Variants in GLI3 observed in about 807,000 individuals in gnomAD.
The protein encoded by GLI3 is GLI family zinc finger 3.
In GLI3, 20 loss-of-function variants were observed where a neutral mutation model predicts 100.8. That is an observed-to-expected ratio of 0.20 (90% CI 0.14 to 0.29). The LOEUF (loss-of-function observed/expected upper bound fraction) is 0.29. GLI3 is among the 10% of genes least tolerant of loss of function. GLI3 has a pLI of 1.00. For missense variants in GLI3, 2,040 were observed against 2,128.5 expected (o/e 0.96, Z 0.82); for synonymous variants, 938 against 860.5 (o/e 1.09, Z -1.58).
At position 41,965,659 on chromosome 7, in the gene GLI3, G is replaced by C; in HGVS notation, c.3414C>G (p.His1138Gln). 2 of 1,612,684 alleles carry C rather than the reference G, an allele frequency of 1.2e-6. No homozygotes were observed. Among genetic ancestry groups the C allele is most frequent in the Non-Finnish European group, 1.7e-6 (2 of 1,179,096 alleles). The change falls in exon 15 of 15, where the codon CAC (histidine) becomes CAG (glutamine). Residue 1138 changes from histidine (H) to glutamine (Q), a missense_variant. Transcript: ENST00000395925. Reference sequence around the variant, plus strand: ...CGAGGGCATGGAACTGCTGGCCAGCGTGGCTGTCTGGCAGCCCGGGCGCGT... The same window carrying C: ...CGAGGGCATGGAACTGCTGGCCAGCCTGGCTGTCTGGCAGCCCGGGCGCGT... ...DFDAPGLPDS[H>Q]AGQQFHALEQ... is the part of the protein sequence containing the mutation.
At chr7:42,134,170 A>G (rs1412154627) in intron 3 of GLI3, among the ~76,000 whole-genome samples, 1 of 152,136 alleles carries the variant, frequency 6.6e-6, no homozygotes, top group Non-Finnish European at 1.5e-5. Context: ...TTGTCCTGGC[A>G]GTGGGGTAGG....
At chr7:42,242,474 C>T (rs1262332602), upstream of GLI3, among the ~76,000 whole-genome samples, 3 of 152,194 alleles carry the variant, frequency 2.0e-5, no homozygotes, top group African/African-American at 7.2e-5. Context: ...CACATCACAG[C>T]AAATAGCTCC....
intron 10 of GLI3, 97 bp from the exon 11 acceptor site, chr7:41,978,845 A>G (rs1009518820): frequency 9.6e-7 from 1 of 1,043,842 alleles, no homozygotes; most frequent in African/African-American, 1.6e-5. Context: ...AATCTTAAAA[A>G]TTCTAAAGAC....
intron 10 of GLI3, 50 bp from the exon 11 acceptor site, chr7:41,978,798 T>G: frequency 6.4e-7 from 1 of 1,556,024 alleles, no homozygotes; most frequent in Non-Finnish European, 8.9e-7. Context: ...TATTCATCAT[T>G]TCTGAAGGCG....
At chr7:42,002,589 A>G (rs1333093486) in intron 10 of GLI3, among the ~76,000 whole-genome samples, 1 of 152,258 alleles carries the variant, frequency 6.6e-6, no homozygotes, top group East Asian at 1.9e-4. Flanking sequence ...GTATTGCCTG[A>G]GAATCTATTT....
intron 3 of GLI3, among the ~76,000 whole-genome samples, chr7:42,107,772 C>A (rs1413626595): frequency 1.3e-5 from 2 of 152,232 alleles, no homozygotes; most frequent in African/African-American, 4.8e-5. Flanking sequence ...GCACAGCAAT[C>A]TCTGCATCTC....
At chr7:42,260,671 G>A (rs1789128497) in intron 1 of GLI3, among the ~76,000 whole-genome samples, 1 of 152,122 alleles carries the variant, frequency 6.6e-6, no homozygotes, top group African/African-American at 2.4e-5. Context: ...TGAAGGGCCA[G>A]GGACAAGAGT....
In GLI3 at chr7:42,025,036, C is replaced by T. The variant is rs115359867; in HGVS notation, c.1356+228G>A. ...CCTAAACTATCAAGAAGGTATGTCC[C>T]GCATGGCTTCCTGCACTGCCTGTGT... On this transcript the variant is annotated intron_variant, in intron 9 of 14. Coordinates refer to ENST00000395925, the MANE Select transcript of GLI3 (RefSeq NM_000168.6). Among the ~76,000 whole-genome samples the T allele has an allele frequency of 0.022, 3,378 of 152,274 alleles. 116 individuals carry two copies. The highest frequency in any genetic ancestry group is 0.076 in the African/African-American group (3,158 of 41,530).
chr7:42,070,291 T>C (rs1784759450), intron 4 of GLI3, among the ~76,000 whole-genome samples: 1 of 152,254 alleles, frequency 6.6e-6, no homozygotes, highest in Admixed American at 6.5e-5. Context: ...AACGTGGCTT[T>C]TTATGGCTCT....
At position 41,965,451 on chromosome 7, in the gene GLI3, C is replaced by G; in HGVS notation, c.3622G>C (p.Gly1208Arg). 2 of 1,608,040 alleles carry G rather than the reference C, an allele frequency of 1.2e-6. No individual in the cohort carries two copies. Among genetic ancestry groups the G allele is most frequent in the Non-Finnish European group, 1.7e-6 (2 of 1,177,030 alleles). The change falls in exon 15 of 15, where the codon GGG becomes CGG. Residue 1208 changes from glycine (G) to arginine (R), a missense_variant. Physicochemically the swap from Gly to Arg is moderately radical, Grantham distance 125. This residue lies in a region of GLI3 where 1,041 missense variants were observed against 924.0 expected (regional missense o/e 1.13). Transcript: ENST00000395925. ...AGGGTCTGATAGCCCCCAGCAGGCC[C>G]GCTCCTCAAGGGGTTCTGCGGGTGG... ...VVHPQNPLRS[G>R]PAGGYQTLGE...
chr7:42,176,770 G>A (rs567825005), intron 2 of GLI3, among the ~76,000 whole-genome samples: 14 of 152,150 alleles, frequency 9.2e-5, no homozygotes, highest in Admixed American at 3.3e-4. Context: ...TGATCCCCAG[G>A]GTCCACAGCC....
At chr7:42,013,736 A>G (rs1292530328) in intron 10 of GLI3, among the ~76,000 whole-genome samples, 2 of 152,224 alleles carry the variant, frequency 1.3e-5, no homozygotes, top group East Asian at 3.8e-4. Flanking sequence ...ATCACAATAA[A>G]AGCTAACTGG....
chr7:42,105,738 T>C (rs533914365), intron 3 of GLI3, among the ~76,000 whole-genome samples: 5 of 152,164 alleles, frequency 3.3e-5, no homozygotes, highest in African/African-American at 9.7e-5. Flanking sequence ...ATAGACTGTG[T>C]GTGTCCAGTG....
At chr7:42,177,058 T>A (rs186307598) in intron 2 of GLI3, among the ~76,000 whole-genome samples, 40 of 152,224 alleles carry the variant, frequency 2.6e-4, no homozygotes, top group Non-Finnish European at 3.4e-4. Context: ...AACACCCACT[T>A]TGTTACAGGA....
At chr7:42,174,662 C>T (rs990843125) in intron 2 of GLI3, among the ~76,000 whole-genome samples, 3 of 152,194 alleles carry the variant, frequency 2.0e-5, no homozygotes, top group South Asian at 2.1e-4. Flanking sequence ...AGAACATTCA[C>T]ATGTTCACAG....
chr7:42,258,055 G>T (rs913390353), intron 1 of GLI3, among the ~76,000 whole-genome samples: 1 of 152,096 alleles, frequency 6.6e-6, no homozygotes, highest in Non-Finnish European at 1.5e-5. Flanking sequence ...TTCTTTACAC[G>T]CTGGATTTTA....
chr7:42,160,242 G>C (rs894093908), intron 2 of GLI3, among the ~76,000 whole-genome samples: 1 of 152,224 alleles, frequency 6.6e-6, no homozygotes, highest in Non-Finnish European at 1.5e-5. Context: ...AGGGTGGCAA[G>C]ATAATTGAGC....
intron 3 of GLI3, among the ~76,000 whole-genome samples, chr7:42,133,057 A>T (rs1423454106): frequency 3.3e-5 from 5 of 152,198 alleles, no homozygotes; most frequent in African/African-American, 1.2e-4. Flanking sequence ...CAGAACACCA[A>T]AAGGCCTTCA....
intron 4 of GLI3, among the ~76,000 whole-genome samples, chr7:42,068,179 G>A (rs775647961): frequency 4.6e-5 from 7 of 152,188 alleles, no homozygotes; most frequent in Admixed American, 6.5e-5. Flanking sequence ...TTCTAGCATC[G>A]CACTTGATGT....
Sources: gnomAD v4.1 joint callset for allele counts (sites outside exome capture counted in the v4.1 genomes callset) on GRCh38, gnomAD v4.1.1 for gene constraint, gnomAD v4.1.1 regional missense constraint, MANE v1.5 for transcripts, NCBI Gene and HGNC (gene_info 2026-07-23, HGNC 2026-07-21) for gene names.